Variants in ZNF761 observed in about 807,000 individuals in gnomAD.
ZNF761 encodes the protein zinc finger protein 761.
ZNF761 carries 43 observed loss-of-function variants against 59.9 expected under a neutral mutation model. The ratio of observed to expected loss-of-function variants is 0.72; its 90% confidence interval spans 0.56 to 0.92. The LOEUF (loss-of-function observed/expected upper bound fraction) is 0.92, where lower values mean the gene tolerates loss of function less well. Among genes scored for constraint, ZNF761 ranks in the 40% least tolerant of loss-of-function variants. The pLI, the probability that ZNF761 is intolerant of heterozygous loss-of-function variation, is 0.00. For synonymous variants in ZNF761, 294 were observed against 304.8 expected (o/e 0.96, Z 0.37); for missense variants, 850 against 906.1 (o/e 0.94, Z 0.79).
Position 53,456,469 on chromosome 19 carries a change from A to G in ZNF761, c.1962A>G (p.Arg654=), listed in dbSNP as rs749758872. 1.9e-6 allele frequency: 3 copies of G among 1,613,730 alleles called. No individual in the cohort carries two copies. The highest frequency in any genetic ancestry group is 3.3e-5 in the Admixed American group (2 of 59,974). ...RVKSNLEGHR[R]IHTGEKPYKC... ...AATCAAACCTTGAAGGACATAGGAG[A>G]ATTCATACTGGAGAGAAACCTTACA... Residue 654 remains arginine (R), a synonymous_variant, in exon 5 of 5, where the codon AGA becomes AGG. Coordinates refer to ENST00000684525, the MANE Select transcript of ZNF761 (RefSeq NM_001289951.2).
intron 2 of ZNF761, among the ~76,000 whole-genome samples, chr19:53,446,822 G>T (rs901895365): frequency 6.6e-6 from 1 of 152,154 alleles, no homozygotes; most frequent in Non-Finnish European, 1.5e-5. Context: ...GGTAGAGATG[G>T]GGTTTCACCA....
rs1161034648 is a variant in ZNF761, at chr19:53,455,466, A to T, written c.959A>T (p.His320Leu). The change falls in exon 5 of 5, where the codon CAT becomes CTT. Residue 320 changes from histidine (H) to leucine (L), a missense_variant. By Grantham distance (99) the His-to-Leu change is moderately conservative. Coordinates refer to ENST00000684525, the MANE Select transcript of ZNF761 (RefSeq NM_001289951.2). Reference protein sequence around the residue: ...KSILERHRIIHTEEKPYKCNE... With the variant: ...KSILERHRIILTEEKPYKCNE... The stretch of plus-strand genomic sequence containing the variant: ...ATACTTGAAAGACATAGGATAATTC[A>T]TACTGAAGAGAAACCATATAAGTGT... The T allele has an allele frequency of 1.7e-5, 27 of 1,613,894 alleles. No homozygotes were observed. The highest frequency in any genetic ancestry group is 2.2e-5 in the Non-Finnish European group (26 of 1,180,018).
At chr19:53,435,458 C>G (rs746780550) in intron 1 of ZNF761, among the ~76,000 whole-genome samples, 30 of 151,768 alleles carry the variant, frequency 2.0e-4, no homozygotes, top group African/African-American at 7.0e-4. Flanking sequence ...GCATGCGCCA[C>G]CATGCCTGTT....
intron 1 of ZNF761, among the ~76,000 whole-genome samples, chr19:53,445,736 G>A (rs772727775): frequency 2.0e-5 from 3 of 148,958 alleles, no homozygotes; most frequent in Non-Finnish European, 4.6e-5. Context: ...AAATAGAGGT[G>A]TAGACTCAGA....
chr19:53,440,748 T>C (rs1234122760), intron 1 of ZNF761, among the ~76,000 whole-genome samples: 1 of 152,210 alleles, frequency 6.6e-6, no homozygotes, highest in Non-Finnish European at 1.5e-5. Context: ...TGATCTCTTC[T>C]AACTGCAGCC....
At chr19:53,443,343 T>C (rs905318929) in intron 1 of ZNF761, 9 of 153,238 alleles carry the variant, frequency 5.9e-5, no homozygotes, top group African/African-American at 2.2e-4. Flanking sequence ...ATGGAACTGT[T>C]GGGGTGATCA....
Position 53,435,281 on chromosome 19 carries a change from T to TACAAGTC in ZNF761, c.-185+3254_-185+3260dup, listed in dbSNP as rs1486291662. Among the ~76,000 whole-genome samples the TACAAGTC allele has an allele frequency of 9.5e-3, 1,262 of 132,942 alleles. 36 individuals carry two copies. The highest frequency in any genetic ancestry group is 0.033 in the African/African-American group (1,200 of 36,110). The allele number at this position is 132,942 out of a possible 152,430, so 87.2% of individuals were successfully genotyped here. A position where few individuals can be genotyped will look rare whatever the true frequency, so the allele number is the denominator to read the frequency against. ...ACTGAGTAGGTCGTCTGGCTATAAATACAAGTCCTTTTTTTTTTTTTTTTT... is the reference window on the plus strand; with the variant it reads ...ACTGAGTAGGTCGTCTGGCTATAAATACAAGTCACAAGTCCTTTTTTTTTTTTTTTTT... On this transcript the variant is annotated intron_variant, in intron 1 of 4. Transcript: ENST00000684525.
rs764589107 is a variant in ZNF761 at position 53,449,624 on chromosome 19, A to G, written c.128A>G (p.Asn43Ser). The G allele has an allele frequency of 1.2e-6, 2 of 1,609,112 alleles. No homozygotes were observed. Among genetic ancestry groups the G allele is most frequent in the Non-Finnish European group, 1.7e-6 (2 of 1,177,782 alleles). ...YRDVMLENYRNLVSLDISSKC... is the reference protein window; with the variant it reads ...YRDVMLENYRSLVSLDISSKC... ...GACGTGATGCTGGAGAATTATAGGA[A>G]CCTGGTCTCCCTGGGTGAGGATAAC... The change falls in exon 4 of 5, where the codon AAC becomes AGC. Residue 43 changes from asparagine (N) to serine (S), a missense_variant. Asn to Ser is a conservative substitution (Grantham distance 46). Transcript: ENST00000684525.
intron 3 of ZNF761, among the ~76,000 whole-genome samples, chr19:53,449,015 C>T (rs2617732): frequency 0.02 from 3,049 of 152,206 alleles, 78 homozygotes; most frequent in African/African-American, 0.067. Flanking sequence ...CATCTAGATA[C>T]GGAATGTCAC....
chr19:53,436,868 T>G (rs1292935250), intron 1 of ZNF761, among the ~76,000 whole-genome samples: 3 of 152,100 alleles, frequency 2.0e-5, no homozygotes, highest in Admixed American at 2.0e-4. Context: ...CACGGGGCAG[T>G]TCGCTAAAGT....
intron 4 of ZNF761, among the ~76,000 whole-genome samples, chr19:53,452,342 G>C (rs2617727): frequency 0.43 from 65,745 of 151,856 alleles, 14,479 homozygotes; most frequent in Admixed American, 0.54. Context: ...AATTAGCTGG[G>C]CATGCTGGCG....
chr19:53,446,177 A>T (rs1435592110), intron 1 of ZNF761, 50 bp from the exon 2 acceptor site: 1 of 153,668 alleles, frequency 6.5e-6, no homozygotes, highest in East Asian at 1.9e-4. Context: ...AGGTTTTATT[A>T]TCTCTACATC....
In ZNF761 at chr19:53,455,718, A is replaced by C. The variant is rs375000799; in HGVS notation, c.1211A>C (p.His404Pro). ...KSSLTCHRRL[H>P]TGEKPYKCEE... ...TCCCTTACATGCCATCGTAGACTTC[A>C]TACTGGAGAGAAACCTTACAAATGT... Residue 404 changes from histidine to proline, a missense_variant, in exon 5 of 5, where the codon CAT becomes CCT. His to Pro is a moderately conservative substitution (Grantham distance 77). Coordinates refer to ENST00000684525, the MANE Select transcript of ZNF761 (RefSeq NM_001289951.2). 9 of 1,614,000 alleles carry C rather than the reference A, an allele frequency of 5.6e-6. No individual in the cohort carries two copies. In the African/African-American group the frequency reaches 1.2e-4, roughly 22 times the overall value.
Position 53,456,172 on chromosome 19 carries a change from T to C in ZNF761, c.1665T>C (p.Cys555=). 1 of 1,614,086 alleles carries C rather than the reference T, an allele frequency of 6.2e-7. No individual in the cohort carries two copies. Residue 555 remains cysteine (C), a synonymous_variant, in exon 5 of 5, where the codon TGT becomes TGC. Coordinates refer to ENST00000684525, the MANE Select transcript of ZNF761 (RefSeq NM_001289951.2). The stretch of plus-strand genomic sequence containing the variant: ...AGAAACCTTACAAGTGTAAGGAGTG[T>C]GGCAAGACCTTCAATCAGCAGTTAA... ...SGEKPYKCKE[C]GKTFNQQLTL... is the part of the protein sequence containing the mutation.
At chr19:53,440,387 A>G (rs1405935854) in intron 1 of ZNF761, among the ~76,000 whole-genome samples, 1 of 152,178 alleles carries the variant, frequency 6.6e-6, no homozygotes, top group Non-Finnish European at 1.5e-5. Flanking sequence ...TTCACTGGGT[A>G]TGATTACTTG....
Position 53,441,939 on chromosome 19 carries a change from A to G in ZNF761, c.-184-4288A>G, listed in dbSNP as rs2086105519. 4 of 1,505,878 alleles carry G rather than the reference A, an allele frequency of 2.7e-6. No homozygotes were observed. The Admixed American group carries it at 6.9e-5, about 26-fold the overall frequency. The allele number at this position is 1,505,878 out of a possible 1,614,324, so 93.3% of individuals were successfully genotyped here. ...CAGCACCAGGCAGATGATGCAGAGG[A>G]GTGAGCTGAGCACCTCCAGTGAGAA... On this transcript the variant is annotated intron_variant, in intron 1 of 4. Transcript: ENST00000684525.
intron 3 of ZNF761, among the ~76,000 whole-genome samples, chr19:53,448,528 C>T (rs1376141947): frequency 7.2e-5 from 11 of 152,148 alleles, no homozygotes; most frequent in Non-Finnish European, 1.3e-4. Flanking sequence ...ATTTCTACAT[C>T]GTTATGAGAC....
chr19:53,451,749 ATTTT>A (rs747022735), intron 4 of ZNF761, among the ~76,000 whole-genome samples: 4 of 128,464 alleles, frequency 3.1e-5, no homozygotes, highest in African/African-American at 2.9e-5. Flanking sequence ...CACCCGGCTA[ATTTT>A]TTTTTTTTTT....
intron 4 of ZNF761, among the ~76,000 whole-genome samples, chr19:53,451,290 A>G (rs1243610085): frequency 1.3e-5 from 2 of 152,190 alleles, no homozygotes; most frequent in Non-Finnish European, 2.9e-5. Flanking sequence ...GGGTCACTCC[A>G]ACCTCCAACT....
Sources: allele counts gnomAD v4.1 joint callset (sites outside exome capture counted in the v4.1 genomes callset), GRCh38; gene constraint gnomAD v4.1.1; transcripts MANE v1.5; gene names NCBI Gene and HGNC (gene_info 2026-07-23, HGNC 2026-07-21).